FARP1: variants seen among roughly 807,000 people sequenced by gnomAD.
FARP1 encodes FERM, ARHGEF and pleckstrin domain-containing protein 1.
Under a neutral mutation model 128.8 loss-of-function variants are expected in FARP1, and 52 were observed. The ratio of observed to expected loss-of-function variants is 0.40; its 90% confidence interval spans 0.32 to 0.51. FARP1 has a LOEUF of 0.51. FARP1 is among the 20% of genes least tolerant of loss of function. The pLI is 0.45. For synonymous variants in FARP1, 580 were observed against 551.8 expected, an observed-to-expected ratio of 1.05 and a Z score of -0.72; for missense variants, 1,333 against 1,367.9, an observed-to-expected ratio of 0.97 and a Z score of 0.40.
intron 13 of FARP1, chr13:98,402,252 GA>G: frequency 6.6e-6 from 1 of 152,444 alleles, no homozygotes; most frequent in Non-Finnish European, 1.5e-5. Context: ...CTGCAACATG[GA>G]AAAGCACACA....
chr13:98,325,830 T>TAAAAC (rs773675508), intron 2 of FARP1, among the ~76,000 whole-genome samples: 1 of 152,244 alleles, frequency 6.6e-6, no homozygotes, highest in Admixed American at 6.5e-5. Flanking sequence ...ATCTCTTGTT[T>TAAAAC]AAAACAAAAC....
Position 98,259,844 on chromosome 13 carries a change from C to T in FARP1, c.171+46431C>T, listed in dbSNP as rs1471492013. Among the ~76,000 whole-genome samples, 8 of 145,222 alleles carry T rather than the reference C, an allele frequency of 5.5e-5. No individual in the cohort carries two copies. The East Asian group carries it at 1.7e-3, about 31-fold the overall frequency. ...GGGAAGGTGGCCTGTAGAATAGTCACGGTGCTTGAGAAATGGGAAATTTAA... is the reference window on the plus strand; with the variant it reads ...GGGAAGGTGGCCTGTAGAATAGTCATGGTGCTTGAGAAATGGGAAATTTAA... On this transcript the variant is annotated intron_variant, in intron 2 of 26. Transcript: ENST00000319562.
intron 1 of FARP1, among the ~76,000 whole-genome samples, chr13:98,200,927 G>A: frequency 6.6e-6 from 1 of 152,082 alleles, no homozygotes; most frequent in South Asian, 2.1e-4. Context: ...GAGATTCATA[G>A]TTGTATATAT....
intron 2 of FARP1, among the ~76,000 whole-genome samples, chr13:98,261,166 C>T (rs1011622620): frequency 1.3e-5 from 2 of 152,208 alleles, no homozygotes; most frequent in African/African-American, 2.4e-5. Flanking sequence ...CTGGAAGGAA[C>T]CACTGCTGTG....
chr13:98,355,757 T>C (rs1397299986), intron 3 of FARP1, among the ~76,000 whole-genome samples: 3 of 152,210 alleles, frequency 2.0e-5, no homozygotes. Context: ...ATTTTTAAAA[T>C]TAATAGGGTT....
intron 2 of FARP1, among the ~76,000 whole-genome samples, chr13:98,282,618 T>A (rs539832169): frequency 6.6e-6 from 1 of 152,144 alleles, no homozygotes; most frequent in South Asian, 2.1e-4. Context: ...AAAAGAGAAT[T>A]TCTGGGCCAG....
chr13:98,243,987 T>C (rs1171557551), intron 2 of FARP1, among the ~76,000 whole-genome samples: 1 of 152,156 alleles, frequency 6.6e-6, no homozygotes, highest in Non-Finnish European at 1.5e-5. Context: ...TTTTCTCCCC[T>C]GAGCATCTTA....
At chr13:98,275,013 T>C (rs1422830849) in intron 2 of FARP1, among the ~76,000 whole-genome samples, 1 of 152,230 alleles carries the variant, frequency 6.6e-6, no homozygotes, top group African/African-American at 2.4e-5. Context: ...CATGCAATAC[T>C]GTATTCATCT....
chr13:98,294,029 C>T (rs776504938), intron 2 of FARP1, among the ~76,000 whole-genome samples: 5 of 152,202 alleles, frequency 3.3e-5, no homozygotes, highest in African/African-American at 4.8e-5. Context: ...CGAAGTCCAT[C>T]TATGAATGGT....
intron 20 of FARP1, 26 bp downstream of exon 20, chr13:98,438,898 C>T: frequency 1.2e-6 from 2 of 1,609,514 alleles, no homozygotes; most frequent in South Asian, 2.2e-5. Context: ...GGCTTGTCCT[C>T]ACAAGGATTG....
At chr13:98,186,493 T>C (rs1878880510) in intron 1 of FARP1, among the ~76,000 whole-genome samples, 1 of 152,218 alleles carries the variant, frequency 6.6e-6, no homozygotes, top group Admixed American at 6.5e-5. Context: ...TTCCCTGTTC[T>C]GGATATCTCA....
intron 2 of FARP1, among the ~76,000 whole-genome samples, chr13:98,259,698 A>G (rs1458685472): frequency 1.3e-5 from 2 of 151,782 alleles, no homozygotes; most frequent in African/African-American, 2.4e-5. Flanking sequence ...TTTTTCCAAG[A>G]TGGTTGCTTG....
rs542716589 is a variant in FARP1 at position 98,155,209 on chromosome 13, G to A, written c.-24+11717G>A. Among the ~76,000 whole-genome samples the A allele has an allele frequency of 5.9e-5, 9 of 152,202 alleles. No individual in the cohort carries two copies. The South Asian group carries it at 1.7e-3, about 28-fold the overall frequency. ...TAAAAATACAAAATTATCTGGGAGT[G>A]CTGGCACATGCCTGTAATCCCAGCT... On this transcript the variant is annotated intron_variant, in intron 1 of 26. Coordinates refer to ENST00000319562, the MANE Select transcript of FARP1 (RefSeq NM_005766.4).
intron 8 of FARP1, chr13:98,386,073 A>G (rs1890081135): frequency 2.3e-6 from 1 of 432,866 alleles, no homozygotes; most frequent in African/African-American, 2.0e-5. Flanking sequence ...TCACAGAAAC[A>G]TGTAGCTCTC....
intron 2 of FARP1, among the ~76,000 whole-genome samples, chr13:98,240,155 C>T (rs1186350057): frequency 6.6e-6 from 1 of 152,174 alleles, no homozygotes; most frequent in East Asian, 1.9e-4. Context: ...TGGCCAGTGG[C>T]TGGGGCCTTG....
chr13:98,206,694 C>T (rs957453635), intron 1 of FARP1, among the ~76,000 whole-genome samples: 1 of 152,196 alleles, frequency 6.6e-6, no homozygotes, highest in Non-Finnish European at 1.5e-5. Flanking sequence ...GATACTAAGA[C>T]AAGACAACTC....
chr13:98,446,582 T>A, intron 25 of FARP1, 84 bp from the exon 26 acceptor site: 2 of 1,448,156 alleles, frequency 1.4e-6, no homozygotes. Flanking sequence ...GGCTCCCAAG[T>A]CCCTGTCTGA....
chr13:98,389,931 A>C (rs1890243109), intron 9 of FARP1, 26 bp from the exon 10 acceptor site: 1 of 1,611,382 alleles, frequency 6.2e-7, no homozygotes, highest in South Asian at 1.1e-5. Flanking sequence ...AATGGAAAAA[A>C]CCACCGTTGT....
chr13:98,351,445 T>G (rs570110949), intron 3 of FARP1, among the ~76,000 whole-genome samples: 109 of 152,112 alleles, frequency 7.2e-4, no homozygotes, highest in African/African-American at 2.6e-3. Context: ...ACCCCGTCTC[T>G]ACTAAAAATA....
Sources: allele counts gnomAD v4.1 joint callset (sites outside exome capture counted in the v4.1 genomes callset), GRCh38; gene constraint gnomAD v4.1.1; transcripts MANE v1.5; gene names NCBI Gene and HGNC (gene_info 2026-07-23, HGNC 2026-07-21).